Variants in FMN1 observed in about 807,000 individuals in gnomAD.
The protein encoded by FMN1 is formin-1.
In FMN1, 110 loss-of-function variants were observed where a neutral mutation model predicts 132.4. The ratio of observed to expected loss-of-function variants is 0.83; its 90% CI spans 0.71 to 0.97. The LOEUF (loss-of-function observed/expected upper bound fraction) is 0.97. Among genes scored for constraint, FMN1 ranks in the 50% least tolerant of loss-of-function variants. The pLI, the probability that FMN1 is intolerant of heterozygous loss-of-function variation, is 0.00. For synonymous variants in FMN1, 722 were observed against 651.7 expected (o/e 1.11, Z -1.64); for missense variants, 1,792 against 1,705.3 (o/e 1.05, Z -0.90).
intron 7 of FMN1, among the ~76,000 whole-genome samples, chr15:32,997,541 G>A (rs954445922): frequency 2.3e-4 from 35 of 152,122 alleles, no homozygotes; most frequent in Admixed American, 1.2e-3. Context: ...ACTTGACTCC[G>A]CTGGGTCTCA....
chr15:33,121,111 A>G (rs750482179), intron 4 of FMN1, among the ~76,000 whole-genome samples: 53 of 137,622 alleles, frequency 3.9e-4, no homozygotes, highest in Non-Finnish European at 7.1e-4. Context: ...TGTTGTAACA[A>G]GAGTATACAA....
At chr15:33,126,421 G>A (rs1011375791) in intron 4 of FMN1, among the ~76,000 whole-genome samples, 2 of 152,134 alleles carry the variant, frequency 1.3e-5, no homozygotes, top group Non-Finnish European at 2.9e-5. Flanking sequence ...CTTCTGGAGG[G>A]TGAGAGGAGA....
At chr15:33,192,555 T>C (rs1966115421) in intron 2 of FMN1, among the ~76,000 whole-genome samples, 1 of 152,204 alleles carries the variant, frequency 6.6e-6, no homozygotes, top group Non-Finnish European at 1.5e-5. Context: ...CTTTAACGTA[T>C]CTCAACTAAG....
At chr15:32,900,172 C>T (rs1291543929) in intron 13 of FMN1, 47 bp from the exon 14 acceptor site, 1 of 1,604,846 alleles carries the variant, frequency 6.2e-7, no homozygotes, top group South Asian at 1.1e-5. Context: ...TCCAAATGCA[C>T]CCATGTTCAT....
chr15:32,962,328 T>C (rs1302768155), intron 9 of FMN1, among the ~76,000 whole-genome samples: 1 of 152,004 alleles, frequency 6.6e-6, no homozygotes, highest in Non-Finnish European at 1.5e-5. Flanking sequence ...TTACACTTTA[T>C]ACAAAGATCA....
chr15:33,098,927 G>A (rs994913585), intron 4 of FMN1, among the ~76,000 whole-genome samples: 3 of 151,862 alleles, frequency 2.0e-5, no homozygotes, highest in Non-Finnish European at 4.4e-5. Context: ...TGTTTTCTGG[G>A]GCCCTTCAAT....
In FMN1 at chr15:33,150,121, T is replaced by A. The variant is rs899468443; in HGVS notation, c.1867+2927A>T. On this transcript the variant is annotated intron_variant, in intron 4 of 20. Coordinates refer to ENST00000616417, the MANE Select transcript of FMN1 (RefSeq NM_001277313.2). ...GATTACTCAAGAGCATACTAAAGATTGGGCATTTCCCAAGTATGGTGAGCC... is the reference window on the plus strand; with the variant it reads ...GATTACTCAAGAGCATACTAAAGATAGGGCATTTCCCAAGTATGGTGAGCC... 1.5e-5 allele frequency: 15 copies of A among 985,284 alleles called. No individual in the cohort carries two copies. The African/African-American group carries it at 2.4e-4, about 16-fold the overall frequency. The allele number at this position is 985,284 out of a possible 1,614,324, so 61.0% of individuals were successfully genotyped here. A position where few individuals can be genotyped will look rare whatever the true frequency, so the allele number is the denominator to read the frequency against.
chr15:33,128,788 C>T (rs575798506), intron 4 of FMN1, among the ~76,000 whole-genome samples: 1 of 152,226 alleles, frequency 6.6e-6, no homozygotes, highest in Admixed American at 6.5e-5. Context: ...AAACGGTGAG[C>T]AGCAGCAAGA....
chr15:33,153,062 T>C lies in FMN1; in HGVS notation c.1853A>G (p.His618Arg), dbSNP rs1442199362. Residue 618 changes from histidine (H) to arginine (R), a missense_variant, in exon 4 of 21, where the codon CAC (histidine) becomes CGC (arginine). Around this residue, in one of 3 missense-constraint regions of FMN1, gnomAD observed 1,150 missense variants for 1,043.1 expected, o/e 1.10. Transcript: ENST00000616417. Reference protein sequence around the residue: ...GPGKTTAEPQHQSPPGISSEG... With the variant: ...GPGKTTAEPQRQSPPGISSEG... ...CAGAGACTAACCTGGAGGTGACTGG[T>C]GCTGGGGCTCAGCTGTGGTCTTCCC... 6.5e-6 allele frequency: 10 copies of C among 1,527,646 alleles called. No individual in the cohort carries two copies. The highest frequency in any genetic ancestry group is 7.9e-6 in the Non-Finnish European group (9 of 1,143,362). 94.6% of individuals were successfully genotyped at this position (1,527,646 alleles called of 1,614,324 possible).
intron 6 of FMN1, among the ~76,000 whole-genome samples, chr15:33,026,049 G>A (rs2035650802): frequency 1.3e-5 from 2 of 151,930 alleles, no homozygotes; most frequent in Admixed American, 1.3e-4. Context: ...CACTGTGACA[G>A]CATCTGAATG....
intron 5 of FMN1, among the ~76,000 whole-genome samples, chr15:33,081,821 C>T (rs984974736): frequency 2.0e-5 from 3 of 152,102 alleles, no homozygotes; most frequent in Non-Finnish European, 2.9e-5. Flanking sequence ...CATGGAGGTT[C>T]TTATTACCGT....
intron 4 of FMN1, among the ~76,000 whole-genome samples, chr15:33,126,979 G>A (rs375506026): frequency 6.6e-6 from 1 of 152,226 alleles, no homozygotes; most frequent in African/African-American, 2.4e-5. Context: ...CTGTGGAGAG[G>A]CTTGCAAGAT....
intron 6 of FMN1, chr15:33,062,851 T>C (rs2141236702): frequency 6.6e-6 from 1 of 152,304 alleles, no homozygotes; most frequent in South Asian, 2.1e-4. Context: ...CTGAGATCAG[T>C]AAACAAATCC....
intron 15 of FMN1, 98 bp from the exon 16 acceptor site, chr15:32,888,390 TG>T: frequency 7.1e-6 from 8 of 1,130,676 alleles, no homozygotes; most frequent in Non-Finnish European, 9.9e-6. Context: ...GCTTTTTTAT[TG>T]GATGTCTGAG....
At chr15:32,951,920 G>A (rs1435809125) in intron 9 of FMN1, among the ~76,000 whole-genome samples, 1 of 152,192 alleles carries the variant, frequency 6.6e-6, no homozygotes, top group African/African-American at 2.4e-5. Flanking sequence ...GCATGCTAGA[G>A]AAGGCAGCTG....
At chr15:32,843,667 A>T (rs527861879) in intron 17 of FMN1, among the ~76,000 whole-genome samples, 1 of 152,156 alleles carries the variant, frequency 6.6e-6, no homozygotes, top group East Asian at 1.9e-4. Flanking sequence ...GGATGGTGCA[A>T]TGAGCTCAGT....
chr15:32,956,880 C>T (rs935639951), intron 9 of FMN1, among the ~76,000 whole-genome samples: 3 of 152,184 alleles, frequency 2.0e-5, no homozygotes, highest in Non-Finnish European at 4.4e-5. Flanking sequence ...GTTCTTCTTC[C>T]ACCCTTCTCC....
intron 16 of FMN1, among the ~76,000 whole-genome samples, chr15:32,866,576 CTAA>C (rs1441653429): frequency 1.3e-5 from 2 of 152,164 alleles, no homozygotes; most frequent in Non-Finnish European, 2.9e-5. Context: ...ACTGACATTC[CTAA>C]TGTTTGTGTG....
In FMN1 at chr15:33,154,110, G is replaced by T. The variant is rs28507600; in HGVS notation, c.805C>A (p.Pro269Thr). ...CCTGCCTCTGTGGAGCTGCAGTCAGGGGGCAGCACTTCTCTTCCAAGCCCA... is the reference window on the plus strand; with the variant it reads ...CCTGCCTCTGTGGAGCTGCAGTCAGTGGGCAGCACTTCTCTTCCAAGCCCA... ...DTGLGREVLPPDCSSTEAGGD... is the reference protein window; with the variant it reads ...DTGLGREVLPTDCSSTEAGGD... Residue 269 changes from proline to threonine, a missense_variant, in exon 4 of 21, where the codon CCT becomes ACT. Pro to Thr is a conservative substitution (Grantham distance 38, BLOSUM62 -1). Around this residue, in one of 3 missense-constraint regions of FMN1, gnomAD observed 638 missense variants for 645.2 expected, o/e 0.99. Transcript: ENST00000616417. The T allele has an allele frequency of 1.3e-6, 2 of 1,536,008 alleles. No homozygotes were observed. The highest frequency in any genetic ancestry group is 8.7e-7 in the Non-Finnish European group (1 of 1,146,904).
Sources: allele counts gnomAD v4.1 joint callset (sites outside exome capture counted in the v4.1 genomes callset), GRCh38; gene constraint gnomAD v4.1.1; regional missense constraint gnomAD v4.1.1; transcripts MANE v1.5; gene names NCBI Gene and HGNC (gene_info 2026-07-23, HGNC 2026-07-21).